CCDC91: variants seen among roughly 807,000 people sequenced by gnomAD.
The protein encoded by CCDC91 is coiled-coil domain-containing protein 91.
CCDC91 carries 48 observed loss-of-function variants against 63.2 expected under a neutral mutation model. That is an observed-to-expected ratio of 0.76 (90% CI 0.60 to 0.97). CCDC91 has a LOEUF of 0.97. Ranked by LOEUF, CCDC91 falls within the 50% of genes least tolerant of loss-of-function variation. The probability of loss-of-function intolerance (pLI) is 0.00; values close to 1 mark genes in which losing one functional copy is unlikely to be tolerated. For missense variants in CCDC91, 500 were observed against 494.6 expected (o/e 1.01, Z -0.10); for synonymous variants, 167 against 165.8 (o/e 1.01, Z -0.06).
intron 1 of CCDC91, among the ~76,000 whole-genome samples, chr12:28,218,471 A>AAAAAAG (rs71039883): frequency 6.0e-5 from 9 of 151,114 alleles, no homozygotes; most frequent in South Asian, 2.1e-4. Flanking sequence ...ATTAAAAAAA[A>AAAAAAG]AAATCACCAA....
intron 8 of CCDC91, among the ~76,000 whole-genome samples, chr12:28,394,478 A>AAAC (rs1050586001): frequency 7.3e-6 from 1 of 136,062 alleles, no homozygotes; most frequent in African/African-American, 3.0e-5. Flanking sequence ...ACAAACAAAC[A>AAAC]AAAAAAAAAC....
chr12:28,405,907 T>C (rs908655092), intron 8 of CCDC91, among the ~76,000 whole-genome samples: 1 of 152,114 alleles, frequency 6.6e-6, no homozygotes, highest in African/African-American at 2.4e-5. Flanking sequence ...CACATATAGT[T>C]ATAATGTCTA....
At chr12:28,376,030 A>G (rs1324247790) in intron 7 of CCDC91, among the ~76,000 whole-genome samples, 1 of 151,844 alleles carries the variant, frequency 6.6e-6, no homozygotes, top group African/African-American at 2.4e-5. Flanking sequence ...GTTGCTTTTT[A>G]AAAATGCATA....
intron 7 of CCDC91, among the ~76,000 whole-genome samples, chr12:28,372,809 G>T (rs1944705123): frequency 6.6e-6 from 1 of 152,088 alleles, no homozygotes; most frequent in Non-Finnish European, 1.5e-5. Context: ...TTCCAATTTA[G>T]ATGCACTTTA....
chr12:28,484,044 A>G lies in CCDC91; in HGVS notation c.1102-8A>G. ...CTCCCTGACTGTTTTGCCTTCTCCC[A>G]CAAACAGGAAACTGTTAAGGCAGCA... On this transcript the variant is annotated splice_polypyrimidine_tract_variant and splice_region_variant and intron_variant, in intron 11 of 12. Transcript: ENST00000536442. The G allele has an allele frequency of 6.3e-7, 1 of 1,595,944 alleles. No homozygotes were observed. The highest frequency in any genetic ancestry group is 8.6e-7 in the Non-Finnish European group (1 of 1,167,036).
chr12:28,257,322 A>G lies in CCDC91; in HGVS notation c.30+77A>G, dbSNP rs1344093704. The G allele has an allele frequency of 1.4e-5, 12 of 858,906 alleles. No homozygotes were observed. The East Asian group carries it at 3.1e-4, about 22-fold the overall frequency. The allele number at this position is 858,906 out of a possible 1,614,324, so 53.2% of individuals were successfully genotyped here. ...GAGTAAACTATTTTGAAAATGTATT[A>G]TATTTCATTGGCATTCATGATATTT... On this transcript the variant is annotated intron_variant, in intron 2 of 12. Coordinates refer to ENST00000536442, the MANE Select transcript of CCDC91 (RefSeq NM_018318.5).
intron 7 of CCDC91, among the ~76,000 whole-genome samples, chr12:28,386,872 G>C (rs527307634): frequency 1.3e-5 from 2 of 152,256 alleles, no homozygotes; most frequent in East Asian, 3.9e-4. Flanking sequence ...TATACTGTGA[G>C]AGTCTTAATG....
intron 6 of CCDC91, among the ~76,000 whole-genome samples, chr12:28,311,726 T>C (rs539314636): frequency 6.6e-6 from 1 of 152,118 alleles, no homozygotes; most frequent in East Asian, 1.9e-4. Context: ...AAATTTTTTT[T>C]CCATGGTATT....
At chr12:28,403,507 C>T (rs1488240190) in intron 8 of CCDC91, among the ~76,000 whole-genome samples, 3 of 152,022 alleles carry the variant, frequency 2.0e-5, no homozygotes, top group Non-Finnish European at 4.4e-5. Flanking sequence ...TCTCTGGGGT[C>T]TTATCCCTTC....
intron 11 of CCDC91, among the ~76,000 whole-genome samples, chr12:28,481,930 T>C (rs11049658): frequency 0.21 from 31,668 of 151,882 alleles, 4,329 homozygotes; most frequent in Non-Finnish European, 0.31. Context: ...TCATGTTTTT[T>C]TGGTTATAGC....
intron 2 of CCDC91, among the ~76,000 whole-genome samples, chr12:28,258,239 T>C (rs960943947): frequency 5.4e-5 from 8 of 148,374 alleles, no homozygotes; most frequent in Admixed American, 4.7e-4. Flanking sequence ...TTGAATCTTA[T>C]TTATGTTACT....
chr12:28,243,573 C>T (rs139928700), intron 1 of CCDC91, among the ~76,000 whole-genome samples: 53 of 151,878 alleles, frequency 3.5e-4, no homozygotes, highest in Non-Finnish European at 6.2e-4. Context: ...ATAAAAAAGT[C>T]AGCAAAGGGT....
intron 6 of CCDC91, 71 bp from the exon 7 acceptor site, chr12:28,362,367 G>T (rs1455382643): frequency 9.2e-7 from 1 of 1,090,560 alleles, no homozygotes; most frequent in Non-Finnish European, 1.3e-6. Flanking sequence ...AGCAGCAAAA[G>T]TCTATGGTTT....
intron 12 of CCDC91, among the ~76,000 whole-genome samples, chr12:28,533,346 A>G (rs1427206235): frequency 4.6e-5 from 7 of 152,036 alleles, no homozygotes; most frequent in Admixed American, 2.6e-4. Flanking sequence ...ATTATGTGCA[A>G]GTTTCCACAG....
At chr12:28,488,404 A>G (rs1227967572) in intron 12 of CCDC91, among the ~76,000 whole-genome samples, 8 of 151,844 alleles carry the variant, frequency 5.3e-5, no homozygotes, top group Admixed American at 2.6e-4. Flanking sequence ...AAAAATTACT[A>G]TGTAATGAAA....
Position 28,336,706 on chromosome 12 carries a change from A to T in CCDC91, c.577-25732A>T, listed in dbSNP as rs187097313. 5.6e-4 allele frequency among the ~76,000 whole-genome samples: 85 copies of T among 152,196 alleles called. 1 individual carries two copies. Among genetic ancestry groups the T allele is most frequent in the African/African-American group, 1.9e-3 (81 of 41,550 alleles). ...TATAAAACATGAAAGTAGACAGGAG[A>T]ATAGGAAGGTCTGACATTGTTCATG... On this transcript the variant is annotated intron_variant, in intron 6 of 12. Coordinates refer to ENST00000536442, the MANE Select transcript of CCDC91 (RefSeq NM_018318.5).
chr12:28,383,877 G>C (rs1270819682), intron 7 of CCDC91, among the ~76,000 whole-genome samples: 1 of 152,090 alleles, frequency 6.6e-6, no homozygotes, highest in East Asian at 1.9e-4. Context: ...CTGATCTGAA[G>C]CTCTTTTAAA....
At chr12:28,246,269 T>A (rs1945725303) in intron 1 of CCDC91, among the ~76,000 whole-genome samples, 1 of 152,144 alleles carries the variant, frequency 6.6e-6, no homozygotes, top group Non-Finnish European at 1.5e-5. Flanking sequence ...AATTAAGGAT[T>A]GTGAGTCCAG....
At chr12:28,455,679 T>A (rs1430488555) in intron 11 of CCDC91, among the ~76,000 whole-genome samples, 1 of 152,024 alleles carries the variant, frequency 6.6e-6, no homozygotes, top group Non-Finnish European at 1.5e-5. Flanking sequence ...TTTATGTTTT[T>A]TTTTTTCTTT....
Sources: gnomAD v4.1 joint callset for allele counts (sites outside exome capture counted in the v4.1 genomes callset) on GRCh38, gnomAD v4.1.1 for gene constraint, MANE v1.5 for transcripts, NCBI Gene and HGNC (gene_info 2026-07-23, HGNC 2026-07-21) for gene names.